BTBD8: variants seen among roughly 807,000 people sequenced by gnomAD.
The protein encoded by BTBD8 is BTB domain containing 8.
BTBD8 carries 110 observed loss-of-function variants against 162.9 expected under a neutral mutation model. That is an observed-to-expected ratio of 0.68 (90% CI 0.58 to 0.79). The LOEUF (loss-of-function observed/expected upper bound fraction) is 0.79, where lower values mean the gene tolerates loss of function less well. BTBD8 is among the 30% of genes least tolerant of loss of function. The probability of loss-of-function intolerance (pLI) is 0.00; values close to 1 mark genes in which losing one functional copy is unlikely to be tolerated. For synonymous variants in BTBD8, 667 were observed against 716.1 expected (o/e 0.93, Z 1.10); for missense variants, 1,905 against 2,085.4 (o/e 0.91, Z 1.68).
chr1:92,104,564 GC>G (rs878963419), intron 3 of BTBD8, among the ~76,000 whole-genome samples: 2 of 152,136 alleles, frequency 1.3e-5, no homozygotes, highest in Admixed American at 1.3e-4. Flanking sequence ...TGGCTCTATG[GC>G]AACCCTTTAA....
chr1:92,158,366 A>AT (rs35596835), intron 9 of BTBD8, among the ~76,000 whole-genome samples: 111,861 of 151,706 alleles, frequency 0.74, 42,190 homozygotes, highest in East Asian at 0.97. Context: ...GATATACTAA[A>AT]TTTTTTTCTC....
chr1:92,122,841 A>G (rs1473026051), intron 4 of BTBD8, among the ~76,000 whole-genome samples: 1 of 152,204 alleles, frequency 6.6e-6, no homozygotes, highest in Non-Finnish European at 1.5e-5. Context: ...TTGGGATTAC[A>G]AGCGTGAGCC....
chr1:92,169,012 A>G lies in BTBD8; in HGVS notation c.1573+17A>G, dbSNP rs1650462159. 6.6e-7 allele frequency: 1 copy of G among 1,513,456 alleles called. No individual in the cohort carries two copies. The highest frequency in any genetic ancestry group is 2.5e-5 in the East Asian group (1 of 40,222). The allele number at this position is 1,513,456 out of a possible 1,614,324, so 93.8% of individuals were successfully genotyped here. On this transcript the variant is annotated intron_variant, in intron 12 of 17. Coordinates refer to ENST00000636805, the MANE Select transcript of BTBD8 (RefSeq NM_001376131.1). ...TCCAAGCAGGTACGTTAGCCTTGAGATATTTCAATTCTTATGTAATGATCA... is the reference window on the plus strand; with the variant it reads ...TCCAAGCAGGTACGTTAGCCTTGAGGTATTTCAATTCTTATGTAATGATCA...
intron 1 of BTBD8, among the ~76,000 whole-genome samples, chr1:92,085,453 A>G (rs752247241): frequency 9.2e-5 from 14 of 152,128 alleles, no homozygotes; most frequent in African/African-American, 1.7e-4. Flanking sequence ...CTAGCCTGGC[A>G]TGGTGGTGCG....
chr1:92,157,185 G>A (rs536618949), intron 9 of BTBD8, among the ~76,000 whole-genome samples: 1 of 151,766 alleles, frequency 6.6e-6, no homozygotes, highest in East Asian at 1.9e-4. Flanking sequence ...TTGACCCATT[G>A]GTTGTTCAAA....
At chr1:92,128,285 T>C (rs1340879995) in intron 4 of BTBD8, among the ~76,000 whole-genome samples, 1 of 137,458 alleles carries the variant, frequency 7.3e-6, no homozygotes, top group Non-Finnish European at 1.5e-5. Context: ...CCTGAATAAT[T>C]TTTTTTTTTT....
rs575748194 is a variant in BTBD8, at chr1:92,093,373, G to A, written c.347+4478G>A. On this transcript the variant is annotated intron_variant, in intron 2 of 17. Transcript: ENST00000636805. ...ATGCCCGGCTAATTTTGTATTTTTA[G>A]TAGAGACAGGGTTTCTCCATGTTGG... Among the ~76,000 whole-genome samples, 11 of 152,000 alleles carry A rather than the reference G, an allele frequency of 7.2e-5. No individual in the cohort carries two copies. In the East Asian group the frequency reaches 1.7e-3, roughly 24 times the overall value.
intron 9 of BTBD8, among the ~76,000 whole-genome samples, chr1:92,164,677 CA>C (rs1650345069): frequency 6.9e-6 from 1 of 145,740 alleles, no homozygotes; most frequent in Non-Finnish European, 1.5e-5. Flanking sequence ...GACCCTGTTT[CA>C]CATGGCGGGG....
At chr1:92,112,764 A>T (rs1380779587) in intron 4 of BTBD8, among the ~76,000 whole-genome samples, 1 of 152,222 alleles carries the variant, frequency 6.6e-6, no homozygotes, top group Admixed American at 6.5e-5. Context: ...TCTCTAAAGT[A>T]TTTGATAAGA....
chr1:92,102,056 C>G (rs745634609), intron 2 of BTBD8, among the ~76,000 whole-genome samples: 41 of 152,054 alleles, frequency 2.7e-4, no homozygotes, highest in Middle Eastern at 3.2e-3. Flanking sequence ...GAGTCTTGCT[C>G]TGTCGCTCAG....
intron 4 of BTBD8, 57 bp from the exon 5 acceptor site, chr1:92,129,630 T>G: frequency 1.5e-6 from 2 of 1,343,022 alleles, no homozygotes; most frequent in Non-Finnish European, 1.1e-6. Flanking sequence ...CATAAAAAAT[T>G]ACATTTTGAA....
At chr1:92,082,196 G>T (rs571900827) in intron 1 of BTBD8, among the ~76,000 whole-genome samples, 1 of 151,350 alleles carries the variant, frequency 6.6e-6, no homozygotes, top group African/African-American at 2.4e-5. Flanking sequence ...TATAAACAAA[G>T]AAAAATAGAT....
chr1:92,169,931 T>C (rs1338058322), intron 12 of BTBD8, among the ~76,000 whole-genome samples: 1 of 152,190 alleles, frequency 6.6e-6, no homozygotes, highest in Non-Finnish European at 1.5e-5. Flanking sequence ...GAGAAGAATC[T>C]CTTAGAAATT....
At chr1:92,129,853 C>G in intron 5 of BTBD8, 77 bp downstream of exon 5, 1 of 1,185,592 alleles carries the variant, frequency 8.4e-7, no homozygotes, top group South Asian at 1.3e-5. Flanking sequence ...TTTTATGAAT[C>G]TGATTTCCCT....
chr1:92,097,971 T>C (rs1214553471), intron 2 of BTBD8, among the ~76,000 whole-genome samples: 1 of 152,216 alleles, frequency 6.6e-6, no homozygotes, highest in Non-Finnish European at 1.5e-5. Context: ...CGATGAGTTG[T>C]GACAATGCTT....
chr1:92,122,853 C>A (rs1649254000), intron 4 of BTBD8, among the ~76,000 whole-genome samples: 1 of 152,220 alleles, frequency 6.6e-6, no homozygotes, highest in South Asian at 2.1e-4. Context: ...GCGTGAGCCA[C>A]CACACCCGGC....
intron 3 of BTBD8, among the ~76,000 whole-genome samples, chr1:92,105,806 G>T (rs924391820): frequency 6.6e-6 from 1 of 152,360 alleles, no homozygotes; most frequent in African/African-American, 2.4e-5. Flanking sequence ...TGGCCAGTGA[G>T]TATGTATAGA....
At chr1:92,156,856 T>C (rs1405778672) in intron 9 of BTBD8, among the ~76,000 whole-genome samples, 1 of 152,060 alleles carries the variant, frequency 6.6e-6, no homozygotes, top group Non-Finnish European at 1.5e-5. Flanking sequence ...TAAAGGATTG[T>C]CAATTTTGTT....
intron 4 of BTBD8, chr1:92,115,344 T>G: frequency 2.2e-6 from 1 of 452,652 alleles, no homozygotes; most frequent in Non-Finnish European, 4.3e-6. Context: ...AGCTAAGCAG[T>G]TGGTGGTACA....
Sources: allele counts gnomAD v4.1 joint callset (sites outside exome capture counted in the v4.1 genomes callset), GRCh38; gene constraint gnomAD v4.1.1; transcripts MANE v1.5; gene names NCBI Gene and HGNC (gene_info 2026-07-23, HGNC 2026-07-21).